The following BLNK variants were observed in gnomAD, a reference collection of about 807,000 sequenced individuals.
The protein encoded by BLNK is B cell linker, also known as B-cell linker protein.
A neutral mutation model predicts 73.5 loss-of-function variants in BLNK; 29 were observed. The observed-to-expected ratio is 0.39, with a 90% CI of 0.29 to 0.54. BLNK has a LOEUF of 0.54. Among genes scored for constraint, BLNK ranks in the 20% least tolerant of loss-of-function variants. The pLI, the probability that BLNK is intolerant of heterozygous loss-of-function variation, is 0.61. For missense variants in BLNK, 460 were observed against 562.8 expected (o/e 0.82, Z 1.85); for synonymous variants, 176 against 200.8 (o/e 0.88, Z 1.04).
intron 1 of BLNK, among the ~76,000 whole-genome samples, chr10:96,255,629 T>G (rs901785055): frequency 2.0e-5 from 3 of 152,160 alleles, no homozygotes; most frequent in Non-Finnish European, 4.4e-5. Flanking sequence ...ACAAACAGAA[T>G]AAATAAATCC....
At chr10:96,265,572 A>AT (rs1353126983) in intron 1 of BLNK, among the ~76,000 whole-genome samples, 2 of 152,176 alleles carry the variant, frequency 1.3e-5, no homozygotes, top group African/African-American at 2.4e-5. Context: ...TCAAATTGAA[A>AT]TGCAGGCCTA....
Position 96,209,740 on chromosome 10 carries a change from G to A in BLNK, c.746+98C>T, listed in dbSNP as rs184130067. 2.8e-6 allele frequency: 4 copies of A among 1,443,152 alleles called. No homozygotes were observed. The African/African-American group carries it at 4.2e-5, about 15-fold the overall frequency. 89.4% of individuals were successfully genotyped at this position (1,443,152 alleles called of 1,614,324 possible). ...TTACTCTTGGTCCAAGTTGCAGCCT[G>A]CCATGGGGAGAACTTCTAATGAAGT... On this transcript the variant is annotated intron_variant, in intron 9 of 16. Coordinates refer to ENST00000224337, the MANE Select transcript of BLNK (RefSeq NM_013314.4).
intron 3 of BLNK, chr10:96,239,113 A>G (rs1324825186): frequency 1.3e-5 from 5 of 398,554 alleles, no homozygotes; most frequent in Non-Finnish European, 2.2e-5. Flanking sequence ...GAGAGATTAA[A>G]TGTTCTGACA....
chr10:96,202,738 T>G (rs898204430), intron 13 of BLNK, among the ~76,000 whole-genome samples: 2 of 152,158 alleles, frequency 1.3e-5, no homozygotes, highest in African/African-American at 4.8e-5. Context: ...AGACTTTCCC[T>G]AGGTGCACAG....
chr10:96,194,917 C>A (rs1192853682), intron 16 of BLNK, among the ~76,000 whole-genome samples: 1 of 151,364 alleles, frequency 6.6e-6, no homozygotes, highest in Middle Eastern at 3.4e-3. Context: ...ACTACAGGCA[C>A]GCGCCACCAT....
chr10:96,237,689 G>A lies in BLNK; in HGVS notation c.163+5046C>T, dbSNP rs1482694208. Among the ~76,000 whole-genome samples the A allele has an allele frequency of 5.3e-5, 8 of 152,312 alleles. No homozygotes were observed. The East Asian group carries it at 1.5e-3, about 29-fold the overall frequency. On this transcript the variant is annotated intron_variant, in intron 3 of 16. Transcript: ENST00000224337. ...ACTGTGAAAGCTCAGGAACTGGGAA[G>A]CGAGTTCTTGCATTAATGTCAGGAG...
chr10:96,242,651 G>GTA, intron 3 of BLNK, 84 bp downstream of exon 3: 1 of 1,258,052 alleles, frequency 7.9e-7, no homozygotes, highest in Non-Finnish European at 1.2e-6. Context: ...TGAGGATAGC[G>GTA]TATTTCCCTT....
At chr10:96,216,850 TCTA>T in intron 6 of BLNK, 116 bp from the exon 7 acceptor site, 2 of 856,082 alleles carry the variant, frequency 2.3e-6, no homozygotes, top group South Asian at 2.8e-5. Context: ...ATCATAAAAT[TCTA>T]CTATGTAAAT....
chr10:96,252,944 C>T (rs1011549586), intron 1 of BLNK, among the ~76,000 whole-genome samples: 14 of 152,138 alleles, frequency 9.2e-5, no homozygotes, highest in African/African-American at 3.4e-4. Flanking sequence ...GCAAAGACTC[C>T]AACCTAGAAA....
intron 6 of BLNK, among the ~76,000 whole-genome samples, chr10:96,222,870 TGA>T (rs2084230530): frequency 6.6e-6 from 1 of 152,094 alleles, no homozygotes; most frequent in Admixed American, 6.5e-5. Flanking sequence ...TAGTCAGGCA[TGA>T]GCAGGGCAGG....
chr10:96,203,899 A>C lies in BLNK; in HGVS notation c.934+158T>G, dbSNP rs587680786. The C allele has an allele frequency of 3.2e-5, 17 of 530,974 alleles. No individual in the cohort carries two copies. The East Asian group carries it at 5.2e-4, about 16-fold the overall frequency. 32.9% of individuals were successfully genotyped at this position (530,974 alleles called of 1,614,324 possible). A position where few individuals can be genotyped will look rare whatever the true frequency, so the allele number is the denominator to read the frequency against. On this transcript the variant is annotated intron_variant, in intron 13 of 16. Coordinates refer to ENST00000224337, the MANE Select transcript of BLNK (RefSeq NM_013314.4). ...TTCAAAACAACTCTGTGAAATAAAC[A>C]TTCTTGGCCCCATTTTACAGGTAAG...
At chr10:96,241,164 A>G (rs1554906150) in intron 3 of BLNK, among the ~76,000 whole-genome samples, 1 of 152,234 alleles carries the variant, frequency 6.6e-6, no homozygotes, top group Non-Finnish European at 1.5e-5. Flanking sequence ...CTTAGGAGGA[A>G]CTGCACTATC....
At chr10:96,222,212 C>A (rs1554901300) in intron 6 of BLNK, among the ~76,000 whole-genome samples, 1 of 152,152 alleles carries the variant, frequency 6.6e-6, no homozygotes, top group African/African-American at 2.4e-5. Flanking sequence ...AATCATACAC[C>A]TAGAAGGGCC....
intron 16 of BLNK, among the ~76,000 whole-genome samples, chr10:96,193,357 A>G (rs1205881393): frequency 2.0e-5 from 3 of 152,236 alleles, no homozygotes; most frequent in African/African-American, 7.2e-5. Flanking sequence ...GAAGTGGATT[A>G]CAAGGGAAAA....
intron 1 of BLNK, among the ~76,000 whole-genome samples, chr10:96,254,286 A>G (rs1554910268): frequency 6.6e-6 from 1 of 152,142 alleles, no homozygotes; most frequent in African/African-American, 2.4e-5. Flanking sequence ...AGTCAATGGT[A>G]TGATGTCTGC....
intron 1 of BLNK, among the ~76,000 whole-genome samples, chr10:96,270,413 A>C (rs530041075): frequency 6.6e-6 from 1 of 152,282 alleles, no homozygotes; most frequent in South Asian, 2.1e-4. Context: ...ATGTAGTCAG[A>C]ATAGAAAACA....
chr10:96,205,737 T>A (rs1184271510), intron 11 of BLNK, among the ~76,000 whole-genome samples: 1 of 152,196 alleles, frequency 6.6e-6, no homozygotes, highest in Non-Finnish European at 1.5e-5. Flanking sequence ...CCTATGCTCT[T>A]GAAATAAATA....
intron 3 of BLNK, among the ~76,000 whole-genome samples, chr10:96,242,388 A>G (rs1842907919): frequency 1.3e-5 from 2 of 152,246 alleles, no homozygotes; most frequent in Non-Finnish European, 2.9e-5. Flanking sequence ...CAGCAGTGTG[A>G]AAACAGACTA....
intron 6 of BLNK, among the ~76,000 whole-genome samples, chr10:96,220,045 C>A (rs1214994261): frequency 6.6e-6 from 1 of 152,126 alleles, no homozygotes; most frequent in Non-Finnish European, 1.5e-5. Context: ...TAGGGTGGGG[C>A]GACCAGCCTC....
Sources: allele counts gnomAD v4.1 joint callset (sites outside exome capture counted in the v4.1 genomes callset), GRCh38; gene constraint gnomAD v4.1.1; transcripts MANE v1.5; gene names NCBI Gene and HGNC (gene_info 2026-07-23, HGNC 2026-07-21).